Variants in PAPPA2 observed in about 807,000 individuals in gnomAD.
The protein encoded by PAPPA2 is pappalysin 2.
Under a neutral mutation model 176.4 loss-of-function variants are expected in PAPPA2, and 86 were observed. The ratio of observed to expected loss-of-function variants is 0.49; its 90% CI spans 0.41 to 0.58. The LOEUF (loss-of-function observed/expected upper bound fraction) is 0.58, where lower values mean the gene tolerates loss of function less well. PAPPA2 is among the 20% of genes least tolerant of loss of function. The probability of loss-of-function intolerance (pLI) is 0.00; values close to 1 mark genes in which losing one functional copy is unlikely to be tolerated. For synonymous variants in PAPPA2, 809 were observed against 852.2 expected, an observed-to-expected ratio of 0.95 and a Z score of 0.88; for missense variants, 2,073 against 2,256.9, an observed-to-expected ratio of 0.92 and a Z score of 1.65.
At chr1:176,743,317 T>G (rs1571259663) in intron 14 of PAPPA2, among the ~76,000 whole-genome samples, 1 of 152,222 alleles carries the variant, frequency 6.6e-6, no homozygotes, top group East Asian at 1.9e-4. Flanking sequence ...CTGGTTCCTT[T>G]AACTTGGTTC....
At chr1:176,613,757 C>T (rs1433263808) in intron 3 of PAPPA2, among the ~76,000 whole-genome samples, 1 of 152,036 alleles carries the variant, frequency 6.6e-6, no homozygotes, top group Non-Finnish European at 1.5e-5. Context: ...AAATAAGGAA[C>T]ATGATCAGGT....
chr1:176,765,282 C>A (rs1223380843), intron 14 of PAPPA2, among the ~76,000 whole-genome samples: 1 of 152,142 alleles, frequency 6.6e-6, no homozygotes, highest in Non-Finnish European at 1.5e-5. Flanking sequence ...CACTCCTGAG[C>A]TTTGTCCTGG....
chr1:176,833,613 C>A (rs574188817), intron 21 of PAPPA2, among the ~76,000 whole-genome samples: 1 of 152,164 alleles, frequency 6.6e-6, no homozygotes, highest in South Asian at 2.1e-4. Context: ...AGATGTGAAA[C>A]TGAGAGAATA....
chr1:176,825,028 C>T lies in PAPPA2; in HGVS notation c.5203-15145C>T, dbSNP rs75506204. Among the ~76,000 whole-genome samples, 522 of 152,112 alleles carry T rather than the reference C, an allele frequency of 3.4e-3. 5 individuals carry two copies. The highest frequency in any genetic ancestry group is 0.012 in the African/African-American group (495 of 41,462). On this transcript the variant is annotated intron_variant, in intron 21 of 22. Coordinates refer to ENST00000367662, the MANE Select transcript of PAPPA2 (RefSeq NM_020318.3). ...CCATGTCCTGTGGGCCCAGCCTGAGCGCCAACCCTGTGTGGAATTGACTGG... is the reference window on the plus strand; with the variant it reads ...CCATGTCCTGTGGGCCCAGCCTGAGTGCCAACCCTGTGTGGAATTGACTGG...
intron 12 of PAPPA2, among the ~76,000 whole-genome samples, chr1:176,727,658 AG>A (rs1661944823): frequency 6.6e-6 from 1 of 152,042 alleles, no homozygotes; most frequent in Non-Finnish European, 1.5e-5. Context: ...TTTAATAAGT[AG>A]GCCAAAAAAT....
chr1:176,736,589 A>G (rs2102869556), intron 12 of PAPPA2, among the ~76,000 whole-genome samples: 1 of 147,846 alleles, frequency 6.8e-6, no homozygotes, highest in South Asian at 2.1e-4. Context: ...AATTAAAGTC[A>G]CATATATACA....
intron 7 of PAPPA2, among the ~76,000 whole-genome samples, chr1:176,697,379 A>G (rs1196581698): frequency 6.6e-6 from 1 of 152,186 alleles, no homozygotes; most frequent in Non-Finnish European, 1.5e-5. Context: ...GACTGTTAAC[A>G]TTGGACTTCA....
chr1:176,606,426 A>C (rs573888908), intron 3 of PAPPA2, among the ~76,000 whole-genome samples: 43 of 152,178 alleles, frequency 2.8e-4, no homozygotes, highest in Non-Finnish European at 5.1e-4. Flanking sequence ...GGAAAGGAAA[A>C]CTACTATGGG....
chr1:176,829,462 G>T (rs2102982488), intron 21 of PAPPA2, among the ~76,000 whole-genome samples: 1 of 152,358 alleles, frequency 6.6e-6, no homozygotes, highest in Non-Finnish European at 1.5e-5. Context: ...GCGGTGAACA[G>T]GCAGGGATGA....
rs1393518264 is a variant in PAPPA2 at position 176,816,971 on chromosome 1, A to G, written c.5202+16839A>G. 4.6e-5 allele frequency among the ~76,000 whole-genome samples: 7 copies of G among 152,280 alleles called. No individual in the cohort carries two copies. The East Asian group carries it at 1.2e-3, about 25-fold the overall frequency. ...AGGAGCACTTATTAAAGGACTGTAT[A>G]TTTATTGTGAATGAATCATGTTAGA... On this transcript the variant is annotated intron_variant, in intron 21 of 22. Transcript: ENST00000367662.
chr1:176,841,003 C>T (rs886786262), intron 22 of PAPPA2, among the ~76,000 whole-genome samples: 1 of 152,192 alleles, frequency 6.6e-6, no homozygotes, highest in African/African-American at 2.4e-5. Context: ...GGCTTGAATA[C>T]TACATCTCTC....
chr1:176,489,381 C>T (rs1030693741), intron 1 of PAPPA2, among the ~76,000 whole-genome samples: 45 of 152,150 alleles, frequency 3.0e-4, no homozygotes, highest in African/African-American at 1.0e-3. Context: ...CTGCAGTCTC[C>T]AAGGCCTTGA....
chr1:176,541,292 G>A (rs1267869686), intron 1 of PAPPA2, among the ~76,000 whole-genome samples: 1 of 152,200 alleles, frequency 6.6e-6, no homozygotes, highest in Non-Finnish European at 1.5e-5. Flanking sequence ...TCTTGACAGT[G>A]CATTAACAGC....
intron 17 of PAPPA2, among the ~76,000 whole-genome samples, chr1:176,785,703 CGTT>C (rs1250573560): frequency 2.0e-5 from 3 of 152,098 alleles, no homozygotes; most frequent in Non-Finnish European, 4.4e-5. Flanking sequence ...GGGCCTGTCT[CGTT>C]GTCTGGGTGC....
intron 21 of PAPPA2, among the ~76,000 whole-genome samples, chr1:176,824,930 G>A (rs1325596): frequency 0.65 from 98,995 of 152,044 alleles, 33,647 homozygotes; most frequent in African/African-American, 0.86. Flanking sequence ...GACCCTGATG[G>A]CACTACAGCT....
chr1:176,463,850 C>G (rs1651491510), intron 1 of PAPPA2, among the ~76,000 whole-genome samples: 1 of 152,030 alleles, frequency 6.6e-6, no homozygotes, highest in Admixed American at 6.5e-5. Context: ...TGTTCAGTGT[C>G]TGCTTGGCTG....
chr1:176,520,255 G>A (rs1054974970), intron 1 of PAPPA2, among the ~76,000 whole-genome samples: 5 of 152,202 alleles, frequency 3.3e-5, no homozygotes, highest in African/African-American at 1.2e-4. Context: ...TACAAGGCTG[G>A]TTAGAGACTG....
At chr1:176,522,630 TTCTC>T (rs891227974) in intron 1 of PAPPA2, among the ~76,000 whole-genome samples, 1 of 152,068 alleles carries the variant, frequency 6.6e-6, no homozygotes, top group Non-Finnish European at 1.5e-5. Flanking sequence ...CCCAGTGCTG[TTCTC>T]TCTCTCTCTG....
intron 17 of PAPPA2, among the ~76,000 whole-genome samples, chr1:176,778,857 A>C (rs16850193): frequency 0.073 from 11,178 of 152,232 alleles, 521 homozygotes; most frequent in South Asian, 0.15. Flanking sequence ...TATCCTTGAA[A>C]TCCTCAAATA....
Sources: gnomAD v4.1 joint callset for allele counts (sites outside exome capture counted in the v4.1 genomes callset) on GRCh38, gnomAD v4.1.1 for gene constraint, MANE v1.5 for transcripts, NCBI Gene and HGNC (gene_info 2026-07-23, HGNC 2026-07-21) for gene names.